Variants in PIGN observed in about 807,000 individuals in gnomAD.
The protein encoded by PIGN is GPI ethanolamine phosphate transferase 1.
PIGN carries 117 observed loss-of-function variants against 125.4 expected under a neutral mutation model. That is an observed-to-expected ratio of 0.93 (90% CI 0.80 to 1.09). The LOEUF is 1.09. Ranked by LOEUF, PIGN falls within the 50% of genes least tolerant of loss-of-function variation. The probability of loss-of-function intolerance (pLI) is 0.00; values close to 1 mark genes in which losing one functional copy is unlikely to be tolerated. For synonymous variants in PIGN, 392 were observed against 377.8 expected (o/e 1.04, Z -0.44); for missense variants, 1,075 against 1,094.9 (o/e 0.98, Z 0.26).
At position 62,186,920 on chromosome 18, in the gene PIGN, AG is replaced by A. The variant is rs1220758094; in HGVS notation, c.-313del. ...CGAAGGCAGGACCCAGCTCCATTAA[AG>A]CTCTCGGGCAGTGGTCCCCTCTACC... On this transcript the variant is annotated 5_prime_UTR_variant, in exon 1 of 31. Transcript: ENST00000640252. The A allele has an allele frequency of 6.6e-6, 1 of 152,230 alleles. No individual in the cohort carries two copies. The highest frequency in any genetic ancestry group is 1.5e-5 in the Non-Finnish European group (1 of 68,094). The allele number at this position is 152,230 out of a possible 1,614,324, so 9.4% of individuals were successfully genotyped here. A position where few individuals can be genotyped will look rare whatever the true frequency, so the allele number is the denominator to read the frequency against.
At chr18:62,169,053 C>T (rs1410052380) in intron 1 of PIGN, among the ~76,000 whole-genome samples, 1 of 151,998 alleles carries the variant, frequency 6.6e-6, no homozygotes, top group Non-Finnish European at 1.5e-5. Context: ...GAGGGTTTTG[C>T]CATGTTGGCC....
intron 1 of PIGN, among the ~76,000 whole-genome samples, chr18:62,176,888 T>C (rs981531898): frequency 6.6e-6 from 1 of 152,136 alleles, no homozygotes; most frequent in East Asian, 1.9e-4. Flanking sequence ...TTAGGTGAAG[T>C]TGAGTAAAGG....
intron 25 of PIGN, among the ~76,000 whole-genome samples, chr18:62,086,049 G>A (rs898780990): frequency 2.6e-5 from 4 of 152,172 alleles, no homozygotes; most frequent in Admixed American, 1.3e-4. Context: ...GTGATTCAAC[G>A]AATCATCTAA....
chr18:62,138,629 T>A (rs915021720), intron 13 of PIGN, among the ~76,000 whole-genome samples: 6 of 152,232 alleles, frequency 3.9e-5, no homozygotes, highest in Non-Finnish European at 7.3e-5. Flanking sequence ...GGGTCACCTC[T>A]TTAAATTCTT....
chr18:62,157,356 T>C (rs915417751), intron 5 of PIGN, 129 bp from the exon 6 acceptor site: 11 of 554,830 alleles, frequency 2.0e-5, no homozygotes, highest in East Asian at 2.9e-5. Flanking sequence ...TTTTATATTA[T>C]GCATATTATA....
intron 30 of PIGN, chr18:62,069,938 A>G (rs1340019162): frequency 6.6e-6 from 1 of 152,624 alleles, no homozygotes; most frequent in African/African-American, 2.4e-5. Context: ...TTTTTGAAAC[A>G]AAATTCTGAC....
Position 62,145,224 on chromosome 18 carries a change from G to A in PIGN, c.922+685C>T, listed in dbSNP as rs76686972. ...GTCCACTAGCTTCTTTTTCTTTCAT[G>A]CTTAAATAAATCTGGAAATAATCAT... On this transcript the variant is annotated intron_variant, in intron 10 of 30. Transcript: ENST00000640252. Among the ~76,000 whole-genome samples the A allele has an allele frequency of 9.6e-3, 1,457 of 152,158 alleles. 45 individuals carry two copies. Among genetic ancestry groups the A allele is most frequent in the East Asian group, 0.066 (341 of 5,172 alleles).
chr18:62,114,648 A>AT lies in PIGN; in HGVS notation c.1173-10_1173-9insA, dbSNP rs778373801. 6.0e-6 allele frequency: 8 copies of AT among 1,334,990 alleles called. No individual in the cohort carries two copies. Among genetic ancestry groups the AT allele is most frequent in the African/African-American group, 2.9e-5 (2 of 68,214 alleles). The allele number at this position is 1,334,990 out of a possible 1,614,324, so 82.7% of individuals were successfully genotyped here. A position where few individuals can be genotyped will look rare whatever the true frequency, so the allele number is the denominator to read the frequency against. ...TGGAATCAGAAAGCAGTCTATATAT[A>AT]AAAAAAAGAATAGGTTTAAAGGGTT... On this transcript the variant is annotated splice_polypyrimidine_tract_variant and intron_variant, in intron 14 of 30. Coordinates refer to ENST00000640252, the MANE Select transcript of PIGN (RefSeq NM_176787.5).
At chr18:62,054,820 A>G (rs78046020) in intron 30 of PIGN, among the ~76,000 whole-genome samples, 7 of 152,340 alleles carry the variant, frequency 4.6e-5, no homozygotes, top group Non-Finnish European at 7.4e-5. Context: ...AGAATAAAAT[A>G]TAGAATAAAT....
intron 23 of PIGN, among the ~76,000 whole-genome samples, chr18:62,023,591 A>T (rs181975997): frequency 3.8e-4 from 58 of 152,340 alleles, no homozygotes; most frequent in African/African-American, 1.3e-3. Context: ...TCCACCATGA[A>T]CTATTTCTTC....
intron 30 of PIGN, among the ~76,000 whole-genome samples, chr18:62,048,772 T>C (rs10084034): frequency 0.31 from 45,282 of 147,886 alleles, 7,986 homozygotes; most frequent in East Asian, 0.62. Context: ...TACATATGTA[T>C]ACATGTGCCA....
intron 9 of PIGN, 41 bp downstream of exon 9, chr18:62,146,930 A>G (rs370713025): frequency 3.2e-6 from 5 of 1,582,990 alleles, no homozygotes; most frequent in Non-Finnish European, 4.3e-6. Flanking sequence ...ATTTATCACT[A>G]CTTTAATTGT....
At chr18:62,079,894 AT>A (rs1301036952) in intron 28 of PIGN, among the ~76,000 whole-genome samples, 2 of 152,166 alleles carry the variant, frequency 1.3e-5, no homozygotes, top group Non-Finnish European at 2.9e-5. Context: ...AATTAAGCTG[AT>A]TTAATAGAGT....
intron 4 of PIGN, among the ~76,000 whole-genome samples, chr18:62,160,434 A>G (rs554008119): frequency 2.1e-3 from 318 of 152,216 alleles, no homozygotes; most frequent in African/African-American, 7.2e-3. Context: ...TTTGAAGTCT[A>G]TATTTTGTAC....
intron 23 of PIGN, among the ~76,000 whole-genome samples, chr18:62,027,842 G>C (rs937029875): frequency 3.3e-5 from 5 of 152,108 alleles, no homozygotes; most frequent in African/African-American, 1.2e-4. Context: ...GGGAGGTCAA[G>C]GCAGCAGTGA....
chr18:62,138,019 G>A (rs760764798), intron 14 of PIGN: 4 of 531,838 alleles, frequency 7.5e-6, no homozygotes, highest in South Asian at 2.7e-5. Context: ...TATTTCTCAT[G>A]TATCTCTCCA....
chr18:62,127,893 A>G (rs1014749957), intron 14 of PIGN, among the ~76,000 whole-genome samples: 3 of 152,056 alleles, frequency 2.0e-5, no homozygotes, highest in Non-Finnish European at 4.4e-5. Context: ...ATAATAGCGG[A>G]AGGAGAAGAT....
At chr18:62,109,344 C>G (rs551998439) in intron 17 of PIGN, among the ~76,000 whole-genome samples, 7 of 152,242 alleles carry the variant, frequency 4.6e-5, no homozygotes, top group African/African-American at 1.7e-4. Context: ...AGACTAATCT[C>G]TGTGTGTAAA....
chr18:62,140,438 G>A lies in PIGN; in HGVS notation c.1005C>T (p.Pro335=), dbSNP rs766427204. 3.9e-6 allele frequency: 6 copies of A among 1,536,856 alleles called. No individual in the cohort carries two copies. The East Asian group carries it at 1.4e-4, about 35-fold the overall frequency. ...TCCTTACCACTGAGTTAAGAGGAAA[G>A]GGAACTCCAATAAGGGAAGTCATCA... ...APLMTSLIGV[P]FPLNSVGILP... Residue 335 remains proline, a synonymous_variant, in exon 12 of 31, where the codon CCC becomes CCT. Transcript: ENST00000640252.
Sources: allele counts gnomAD v4.1 joint callset (sites outside exome capture counted in the v4.1 genomes callset), GRCh38; gene constraint gnomAD v4.1.1; transcripts MANE v1.5; gene names NCBI Gene and HGNC (gene_info 2026-07-23, HGNC 2026-07-21).